TTN: variants seen among roughly 807,000 people sequenced by gnomAD.
TTN encodes the protein connectin.
In TTN, 1,525 loss-of-function variants were observed where a neutral mutation model predicts 3,223.0. That is an observed-to-expected ratio of 0.47 (90% confidence interval 0.45 to 0.49). TTN has a LOEUF of 0.49. TTN is among the 20% of genes least tolerant of loss of function. The probability of loss-of-function intolerance (pLI) is 0.00; values close to 1 mark genes in which losing one functional copy is unlikely to be tolerated. For synonymous variants in TTN, 14,094 were observed against 15,161.0 expected, an observed-to-expected ratio of 0.93 and a Z score of 5.17; for missense variants, 40,786 against 43,424.0, an observed-to-expected ratio of 0.94 and a Z score of 5.40.
chr2:178,790,216 T>G, intron 11 of TTN, 101 bp from the exon 12 acceptor site: 1 of 1,298,550 alleles, frequency 7.7e-7, no homozygotes, highest in Non-Finnish European at 1.1e-6. Context: ...TTTCTTCCTA[T>G]TCAAGGAAAT....
In TTN at chr2:178,783,836, C is replaced by T. The variant is rs745389184; in HGVS notation, c.2776-51G>A. Reference sequence around the variant, plus strand: ...AAATGCTCATGAAATTAAGGGAAATCTCATAAACTCTTAGCTCATGCAACA... The same window carrying T: ...AAATGCTCATGAAATTAAGGGAAATTTCATAAACTCTTAGCTCATGCAACA... On this transcript the variant is annotated intron_variant, in intron 16 of 362. Coordinates refer to ENST00000589042, the MANE Select transcript of TTN (RefSeq NM_001267550.2). 68 of 1,445,986 alleles carry T rather than the reference C, an allele frequency of 4.7e-5. No homozygotes were observed. The Admixed American group carries it at 8.9e-4, about 19-fold the overall frequency. The allele number at this position is 1,445,986 out of a possible 1,614,324, so 89.6% of individuals were successfully genotyped here. A position where few individuals can be genotyped will look rare whatever the true frequency, so the allele number is the denominator to read the frequency against.
Position 178,608,374 on chromosome 2 carries a change from A to C in TTN, c.52509T>G (p.Gly17503=). 6.2e-7 allele frequency: 1 copy of C among 1,611,872 alleles called. No individual in the cohort carries two copies. Among genetic ancestry groups the C allele is most frequent in the Non-Finnish European group, 8.5e-7 (1 of 1,178,916 alleles). Reference sequence around the variant, plus strand: ...TAACTTCACGTTTTTCAAGCCAGTAACCCAAAATGGGGCTTCCATTATCTT... The same window carrying C: ...TAACTTCACGTTTTTCAAGCCAGTACCCCAAAATGGGGCTTCCATTATCTT... The part of the protein sequence containing the change: ...EPKDNGSPIL[G]YWLEKREVNS... The change falls in exon 275 of 363, where the codon GGT becomes GGG. Residue 17503 remains glycine, a synonymous_variant. Transcript: ENST00000589042.
At chr2:178,627,753 A>C (rs763820449) in intron 240 of TTN, among the ~76,000 whole-genome samples, 1 of 152,022 alleles carries the variant, frequency 6.6e-6, no homozygotes, top group Non-Finnish European at 1.5e-5. Flanking sequence ...ACTGAGACTG[A>C]TCTTTTAATA....
In TTN at chr2:178,734,572, T is replaced by G. The variant is rs2154312645; in HGVS notation, c.15252A>C (p.Ala5084=). The G allele has an allele frequency of 6.3e-7, 1 of 1,587,024 alleles. No individual in the cohort carries two copies. The highest frequency in any genetic ancestry group is 2.2e-5 in the East Asian group (1 of 44,592). The change falls in exon 52 of 363, where the codon GCA becomes GCC. Residue 5084 remains alanine, a synonymous_variant. Transcript: ENST00000589042. ...GAGCATTTGTTCCTCTCACTATGTC[T>G]GCAGGCTCAAGAGTTTTGATGAAAG... ...PPSFIKTLEP[A]DIVRGTNALL...
chr2:178,558,602 T>C lies in TTN; in HGVS notation c.86857A>G (p.Ser28953Gly), dbSNP rs748750008. The change falls in exon 327 of 363, where the codon AGT becomes GGT. Residue 28953 changes from serine (S) to glycine (G), a missense_variant. Coordinates refer to ENST00000589042, the MANE Select transcript of TTN (RefSeq NM_001267550.2). ...PSPPEKLGVT[S>G]ISKDSVSLTW... is the part of the protein sequence containing the mutation. The stretch of plus-strand genomic sequence containing the variant: ...AGGGAAACACTGTCTTTGGATATAC[T>C]TGTTACTCCAAGTTTTTCAGGTGGG... The C allele has an allele frequency of 1.9e-6, 3 of 1,612,652 alleles. No homozygotes were observed. In the Admixed American group the frequency reaches 5.0e-5, roughly 27 times the overall value.
chr2:178,630,654 T>C (rs953502922), intron 238 of TTN, 150 bp downstream of exon 238: 20 of 1,228,586 alleles, frequency 1.6e-5, no homozygotes, highest in Non-Finnish European at 2.2e-5. Flanking sequence ...CTGAGCCCAT[T>C]CATAGACCCT....
Position 178,689,583 on chromosome 2 carries a change from T to C in TTN, c.31859A>G (p.Gln10620Arg). 2 of 1,603,652 alleles carry C rather than the reference T, an allele frequency of 1.2e-6. No individual in the cohort carries two copies. ...EAPPAKVPEV[Q>R]KGVVTEEKIT... ...TTTTTCTTCTGTCACAACTCCCTTC[T>C]GTACTTCAGGAACTTGAAGAGACAT... is the stretch of plus-strand genomic sequence containing the variant. Residue 10620 changes from glutamine to arginine, a missense_variant, in exon 123 of 363, where the codon CAG (glutamine) becomes CGG (arginine). Transcript: ENST00000589042.
chr2:178,540,411 A>C (rs763398431), intron 350 of TTN, 41 bp from the exon 351 acceptor site: 5 of 1,512,782 alleles, frequency 3.3e-6, no homozygotes, highest in Non-Finnish European at 4.5e-6. Context: ...AAGTTGCTGC[A>C]AAGTTGAAAA....
chr2:178,587,027 C>G (rs1283946876), intron 307 of TTN, 91 bp downstream of exon 307: 5 of 1,522,986 alleles, frequency 3.3e-6, no homozygotes, highest in Non-Finnish European at 4.5e-6. Context: ...AATGAAATCT[C>G]TTTCAGAAGT....
intron 126 of TTN, 89 bp downstream of exon 126, chr2:178,688,588 T>C: frequency 1.1e-6 from 1 of 932,568 alleles, no homozygotes; most frequent in East Asian, 2.4e-5. Flanking sequence ...TGAGGACATG[T>C]TCTAAAGTAA....
rs762224191 is a variant in TTN, at chr2:178,531,343, T to G, written c.105272A>C (p.Glu35091Ala). The G allele has an allele frequency of 2.5e-6, 4 of 1,614,046 alleles. No homozygotes were observed. The highest frequency in any genetic ancestry group is 2.2e-5 in the South Asian group (2 of 91,090). The part of the protein sequence containing the change: ...EVKSQMTETR[E>A]SLSSYEHSAS... ...AGAGTGTTCATATGAGGAGAGACTTTCCCTTGTCTCCGTCATCTGTGATTT... is the reference window on the plus strand; with the variant it reads ...AGAGTGTTCATATGAGGAGAGACTTGCCCTTGTCTCCGTCATCTGTGATTT... The change falls in exon 358 of 363, where the codon GAA becomes GCA. Residue 35091 changes from glutamate (E) to alanine (A), a missense_variant. By Grantham distance (107) the Glu-to-Ala change is moderately radical. Coordinates refer to ENST00000589042, the MANE Select transcript of TTN (RefSeq NM_001267550.2).
chr2:178,528,753 T>C lies in TTN; in HGVS notation c.106998A>G (p.Gln35666=), dbSNP rs1206389164. 10 of 1,613,054 alleles carry C rather than the reference T, an allele frequency of 6.2e-6. No homozygotes were observed. Among genetic ancestry groups the C allele is most frequent in the Non-Finnish European group, 8.5e-6 (10 of 1,179,344 alleles). ...SGSDQTLTIK[Q]ASHRDEGILT... is the part of the protein sequence containing the mutation. ...GGATTCCTTCATCTCTGTGACTGGC[T>C]TGCTTGATGGTTAGGGTCTGATCGC... is the stretch of plus-strand genomic sequence containing the variant. Residue 35666 remains glutamine, a synonymous_variant, in exon 360 of 363, where the codon CAA becomes CAG. Coordinates refer to ENST00000589042, the MANE Select transcript of TTN (RefSeq NM_001267550.2).
intron 47 of TTN, chr2:178,744,862 G>A: frequency 1.0e-6 from 1 of 985,142 alleles, no homozygotes; most frequent in Non-Finnish European, 1.2e-6. Context: ...AAAGTGGAAA[G>A]ATCTATTTGC....
At chr2:178,672,902 A>G (rs1488074997) in intron 152 of TTN, among the ~76,000 whole-genome samples, 199 bp from the exon 153 acceptor site, 1 of 151,904 alleles carries the variant, frequency 6.6e-6, no homozygotes, top group East Asian at 1.9e-4. Context: ...AGAAGAAGAA[A>G]TGTCCACAAA....
chr2:178,610,089 C>T lies in TTN; in HGVS notation c.51436+1G>A, dbSNP rs761807131. Reference sequence around the variant, plus strand: ...CATAGTGCATCCATGTCCAAACTTACGCTTTGGATCTTGAGCAATGACTGG... The same window carrying T: ...CATAGTGCATCCATGTCCAAACTTATGCTTTGGATCTTGAGCAATGACTGG... On this transcript the variant is annotated splice_donor_variant, in intron 271 of 362. Transcript: ENST00000589042. LOFTEE classifies it high-confidence loss of function. The T allele has an allele frequency of 5.6e-6, 9 of 1,612,510 alleles. No homozygotes were observed. Among genetic ancestry groups the T allele is most frequent in the African/African-American group, 1.3e-5 (1 of 74,850 alleles).
Position 178,630,302 on chromosome 2 carries a change from C to G in TTN, c.44220G>C (p.Gln14740His). ...SLVLHNCRLDQTGGVDFQAAN... is the reference protein window; with the variant it reads ...SLVLHNCRLDHTGGVDFQAAN... Reference sequence around the variant, plus strand: ...CAGCTTGGAAATCCACCCCACCCGTCTGGTCCAGGCGACAGTTGTGCAAAA... The same window carrying G: ...CAGCTTGGAAATCCACCCCACCCGTGTGGTCCAGGCGACAGTTGTGCAAAA... The change falls in exon 239 of 363, where the codon CAG becomes CAC. Residue 14740 changes from glutamine to histidine, a missense_variant. Coordinates refer to ENST00000589042, the MANE Select transcript of TTN (RefSeq NM_001267550.2). 6.2e-7 allele frequency: 1 copy of G among 1,613,156 alleles called. No individual in the cohort carries two copies.
chr2:178,730,243 G>GT lies in TTN; in HGVS notation c.18156dup (p.His6053ThrfsTer12). The stretch of plus-strand genomic sequence containing the variant: ...CAAACTGAGCGGGCTGCTCCTGAGT[G>GT]TAACTCTTTGTTATCTTTAAACCAC... On this transcript the variant is annotated frameshift_variant, in exon 62 of 363. Transcript: ENST00000589042. LOFTEE classifies it high-confidence loss of function. 6.2e-7 allele frequency: 1 copy of GT among 1,613,326 alleles called. No homozygotes were observed. Among genetic ancestry groups the GT allele is most frequent in the Non-Finnish European group, 8.5e-7 (1 of 1,179,620 alleles).
In TTN at chr2:178,802,277, G is replaced by A. The variant is rs72647842; in HGVS notation, c.156C>T (p.Pro52=). The part of the protein sequence containing the change: ...DGQVISTSTL[P]GVQISFSDGR... ...CATCGCTAAAGGAGATCTGCACGCC[G>A]GGCAGAGTGGAAGTGGAAATCACCT... The change falls in exon 3 of 363, where the codon CCC becomes CCT. Residue 52 remains proline (P), a synonymous_variant. Transcript: ENST00000589042. 272 of 1,614,120 alleles carry A rather than the reference G, an allele frequency of 1.7e-4. No homozygotes were observed. The Middle Eastern group carries it at 1.8e-3, about 11-fold the overall frequency.
rs751011918 is a variant in TTN, at chr2:178,719,411, G to T, written c.23979C>A (p.Asp7993Glu). 2 of 1,613,180 alleles carry T rather than the reference G, an allele frequency of 1.2e-6. No homozygotes were observed. The highest frequency in any genetic ancestry group is 2.2e-5 in the South Asian group (2 of 91,058). Residue 7993 changes from aspartate (D) to glutamate (E), a missense_variant, in exon 83 of 363, where the codon GAC becomes GAA. Asp to Glu is a conservative substitution (Grantham distance 45, BLOSUM62 2). Coordinates refer to ENST00000589042, the MANE Select transcript of TTN (RefSeq NM_001267550.2). ...VPPSFIRKLK[D>E]VNAILGASVV... ...CTGAGGCCCCCAGGATGGCATTCACGTCTTTCAGCTTGCGGATGAAGGAAG... is the reference window on the plus strand; with the variant it reads ...CTGAGGCCCCCAGGATGGCATTCACTTCTTTCAGCTTGCGGATGAAGGAAG...
Sources: allele counts gnomAD v4.1 joint callset (sites outside exome capture counted in the v4.1 genomes callset), GRCh38; gene constraint gnomAD v4.1.1; transcripts MANE v1.5; gene names NCBI Gene and HGNC (gene_info 2026-07-23, HGNC 2026-07-21).